The following RUFY2 variants were observed in gnomAD, a reference collection of about 807,000 sequenced individuals.
RUFY2 encodes the protein RUN and FYVE domain-containing protein 2.
RUFY2 carries 49 observed loss-of-function variants against 94.4 expected under a neutral mutation model. The ratio of observed to expected loss-of-function variants is 0.52; its 90% CI spans 0.41 to 0.66. RUFY2 has a LOEUF of 0.66. Ranked by LOEUF, RUFY2 falls within the 30% of genes least tolerant of loss-of-function variation. The pLI, the probability that RUFY2 is intolerant of heterozygous loss-of-function variation, is 0.00. For missense variants in RUFY2, 541 were observed against 692.8 expected, an observed-to-expected ratio of 0.78 and a Z score of 2.46; for synonymous variants, 255 against 235.7, an observed-to-expected ratio of 1.08 and a Z score of -0.75.
At chr10:68,376,487 T>TAC (rs2048678712) in intron 13 of RUFY2, among the ~76,000 whole-genome samples, 1 of 71,038 alleles carries the variant, frequency 1.4e-5, no homozygotes, top group Admixed American at 1.6e-4. Context: ...TATATATATA[T>TAC]ATATTCTCAG....
intron 3 of RUFY2, among the ~76,000 whole-genome samples, chr10:68,397,674 G>C (rs2050490271): frequency 6.6e-6 from 1 of 152,020 alleles, no homozygotes; most frequent in African/African-American, 2.4e-5. Flanking sequence ...AGCTACTCAG[G>C]AGGCTGAGAC....
At chr10:68,396,480 T>C (rs1182381927) in intron 4 of RUFY2, among the ~76,000 whole-genome samples, 1 of 152,078 alleles carries the variant, frequency 6.6e-6, no homozygotes, top group Non-Finnish European at 1.5e-5. Flanking sequence ...AAATGTATTA[T>C]ATACGGCAGT....
intron 4 of RUFY2, among the ~76,000 whole-genome samples, chr10:68,396,249 C>A (rs892611421): frequency 2.6e-5 from 4 of 152,102 alleles, no homozygotes; most frequent in African/African-American, 9.7e-5. Context: ...CTCGGCCTCC[C>A]ACAGTGCTGG....
rs148216039 is a variant in RUFY2, at chr10:68,343,751, T to A, written c.*2017A>T. The A allele has an allele frequency of 6.8e-6, 1 of 146,696 alleles. No homozygotes were observed. Among genetic ancestry groups the A allele is most frequent in the African/African-American group, 2.6e-5 (1 of 38,876 alleles). The allele number at this position is 146,696 out of a possible 1,614,324, so 9.1% of individuals were successfully genotyped here. A position where few individuals can be genotyped will look rare whatever the true frequency, so the allele number is the denominator to read the frequency against. On this transcript the variant is annotated 3_prime_UTR_variant, in exon 18 of 18. Transcript: ENST00000602465. ...TTGTAACAGAAAAATCCAAAGTTAGTATAGTTTTTAAATAAGCCAAAACTA... is the reference window on the plus strand; with the variant it reads ...TTGTAACAGAAAAATCCAAAGTTAGAATAGTTTTTAAATAAGCCAAAACTA...
chr10:68,378,467 T>C, intron 12 of RUFY2: 1 of 1,344,926 alleles, frequency 7.4e-7, no homozygotes, highest in Non-Finnish European at 9.5e-7. Context: ...AACATCCTTT[T>C]AGAATATTTA....
chr10:68,359,215 C>T (rs1458721166), intron 15 of RUFY2, among the ~76,000 whole-genome samples: 1 of 151,690 alleles, frequency 6.6e-6, no homozygotes, highest in Admixed American at 6.6e-5. Context: ...CCCACCTCTA[C>T]TAAAAATACA....
chr10:68,362,976 A>G (rs1232309022), intron 15 of RUFY2, among the ~76,000 whole-genome samples: 1 of 152,206 alleles, frequency 6.6e-6, no homozygotes, highest in African/African-American at 2.4e-5. Context: ...AGCTCCCCGG[A>G]TATTTTGAAA....
At chr10:68,394,520 C>A in intron 4 of RUFY2, 69 bp from the exon 5 acceptor site, 1 of 1,126,008 alleles carries the variant, frequency 8.9e-7, no homozygotes, top group East Asian at 2.5e-5. Flanking sequence ...TTAAAATCAC[C>A]ATTATCTTCC....
intron 13 of RUFY2, among the ~76,000 whole-genome samples, chr10:68,366,842 T>A (rs2047879854): frequency 7.2e-6 from 1 of 138,830 alleles, no homozygotes; most frequent in Admixed American, 7.9e-5. Context: ...TAATAATATA[T>A]AATATAAATA....
chr10:68,352,701 T>C (rs890605945), intron 16 of RUFY2, among the ~76,000 whole-genome samples: 2 of 149,552 alleles, frequency 1.3e-5, no homozygotes, highest in South Asian at 2.1e-4. Context: ...GAGGCCAAGG[T>C]GGGCAGATCA....
intron 16 of RUFY2, 76 bp from the exon 17 acceptor site, chr10:68,346,160 A>G: frequency 9.4e-7 from 1 of 1,067,948 alleles, no homozygotes; most frequent in Non-Finnish European, 1.4e-6. Context: ...CCCCAAGAAC[A>G]TTATTTATAG....
At chr10:68,356,278 T>C (rs1275332924) in intron 15 of RUFY2, among the ~76,000 whole-genome samples, 1 of 151,814 alleles carries the variant, frequency 6.6e-6, no homozygotes, top group Non-Finnish European at 1.5e-5. Flanking sequence ...CCAAGGCGGG[T>C]GAATCATCTG....
chr10:68,380,108 C>CT (rs554527515), intron 11 of RUFY2, among the ~76,000 whole-genome samples: 15,244 of 141,612 alleles, frequency 0.11, 971 homozygotes, highest in South Asian at 0.25. Flanking sequence ...GCACACGGCC[C>CT]TTTTTTTTTT....
chr10:68,341,894 T>G (rs756295228), downstream of RUFY2: 16 of 1,592,260 alleles, frequency 1.0e-5, no homozygotes, highest in Non-Finnish European at 1.3e-5. Context: ...GCATATGTAG[T>G]GCAAACTTTA....
intron 15 of RUFY2, among the ~76,000 whole-genome samples, chr10:68,356,463 A>AC (rs1406787787): frequency 6.6e-5 from 10 of 151,704 alleles, no homozygotes; most frequent in African/African-American, 2.4e-4. Context: ...CCAAGATCAC[A>AC]CCACTGCACT....
Position 68,381,307 on chromosome 10 carries a change from T to C in RUFY2, c.1032A>G (p.Gln344=). Residue 344 remains glutamine, a synonymous_variant, in exon 11 of 18, where the codon CAA becomes CAG. Transcript: ENST00000602465. ...KLLEKDIHEK[Q]DTLIGLRQQL... ...GTTGTCGAAGGCCTATCAGAGTATC[T>C]TGTTTCTCATGGATATCTTTCTCCA... is the stretch of plus-strand genomic sequence containing the variant. 6.2e-7 allele frequency: 1 copy of C among 1,614,022 alleles called. No individual in the cohort carries two copies. Among genetic ancestry groups the C allele is most frequent in the South Asian group, 1.1e-5 (1 of 91,070 alleles).
intron 12 of RUFY2, chr10:68,377,907 A>G: frequency 1.0e-6 from 1 of 985,412 alleles, no homozygotes; most frequent in Non-Finnish European, 1.2e-6. Context: ...TTTCAGGGGT[A>G]TAAATGCTGC....
At chr10:68,351,556 T>C (rs572769979) in intron 16 of RUFY2, among the ~76,000 whole-genome samples, 37 of 150,956 alleles carry the variant, frequency 2.5e-4, no homozygotes, top group African/African-American at 8.2e-4. Context: ...TTCAAGTGAT[T>C]CTCCTGCCTC....
chr10:68,388,399 G>C (rs903411186), intron 7 of RUFY2, among the ~76,000 whole-genome samples: 1 of 152,126 alleles, frequency 6.6e-6, no homozygotes, highest in African/African-American at 2.4e-5. Flanking sequence ...GGAGGTGGAG[G>C]TTGCAATGAG....
Sources: gnomAD v4.1 joint callset for allele counts (sites outside exome capture counted in the v4.1 genomes callset) on GRCh38, gnomAD v4.1.1 for gene constraint, MANE v1.5 for transcripts, NCBI Gene and HGNC (gene_info 2026-07-23, HGNC 2026-07-21) for gene names.